Variants in LAMC3 observed in about 807,000 individuals in gnomAD.
LAMC3 encodes laminin subunit gamma 3.
Under a neutral mutation model 173.8 loss-of-function variants are expected in LAMC3, and 128 were observed. The ratio of observed to expected loss-of-function variants is 0.74; its 90% CI spans 0.64 to 0.85. LAMC3 has a LOEUF of 0.85. Among genes scored for constraint, LAMC3 ranks in the 40% least tolerant of loss-of-function variants. The pLI, the probability that LAMC3 is intolerant of heterozygous loss-of-function variation, is 0.00. For synonymous variants in LAMC3, 897 were observed against 909.1 expected (o/e 0.99, Z 0.24); for missense variants, 2,022 against 2,156.0 (o/e 0.94, Z 1.23).
Position 131,059,120 on chromosome 9 carries a change from T to C in LAMC3, c.2159-1915T>C, listed in dbSNP as rs559887483. Among the ~76,000 whole-genome samples, 6 of 150,782 alleles carry C rather than the reference T, an allele frequency of 4.0e-5. No homozygotes were observed. The East Asian group carries it at 9.9e-4, about 25-fold the overall frequency. Reference sequence around the variant, plus strand: ...CTGAGGCATGAGAATTGCTTCAACCTGGGAGATGGAGGTTGTAGTGAGCCG... The same window carrying C: ...CTGAGGCATGAGAATTGCTTCAACCCGGGAGATGGAGGTTGTAGTGAGCCG... On this transcript the variant is annotated intron_variant, in intron 12 of 27. Transcript: ENST00000361069.
At position 131,069,768 on chromosome 9, in the gene LAMC3, G is replaced by A. The variant is rs113785045; in HGVS notation, c.2987G>A (p.Arg996His). 2.5e-4 allele frequency: 397 copies of A among 1,595,748 alleles called. 2 individuals are homozygous for A. The highest frequency in any genetic ancestry group is 1.8e-3 in the African/African-American group (133 of 74,660). The part of the protein sequence containing the change: ...RPGFEGYKCD[R>H]CHDNFFLTAD... ...GGCTTCGAGGGCTACAAATGTGACC[G>A]CTGCCACGACAACTTCTTCCTCACG... Residue 996 changes from arginine (R) to histidine (H), a missense_variant, in exon 17 of 28, where the codon CGC becomes CAC. By Grantham distance (29) the Arg-to-His change is conservative (BLOSUM62 0). Transcript: ENST00000361069.
intron 2 of LAMC3, among the ~76,000 whole-genome samples, chr9:131,030,673 T>C (rs10793982): frequency 0.64 from 97,801 of 152,178 alleles, 32,197 homozygotes; most frequent in East Asian, 0.95. Flanking sequence ...ATACAATATG[T>C]GTCAGTAGCC....
In LAMC3 at chr9:131,039,262, G is replaced by A. The variant is rs766770347; in HGVS notation, c.1283+14G>A. On this transcript the variant is annotated intron_variant, in intron 6 of 27. Transcript: ENST00000361069. Reference sequence around the variant, plus strand: ...GGGAGGCTGCAGGTGAGGGCGAGGGGCGGCCCAGTATGGACACATTGCACT... The same window carrying A: ...GGGAGGCTGCAGGTGAGGGCGAGGGACGGCCCAGTATGGACACATTGCACT... The A allele has an allele frequency of 2.5e-6, 4 of 1,595,472 alleles. No homozygotes were observed. The Admixed American group carries it at 5.0e-5, about 20-fold the overall frequency.
At chr9:131,067,342 C>A in intron 14 of LAMC3, 137 bp downstream of exon 14, 1 of 1,058,150 alleles carries the variant, frequency 9.5e-7, no homozygotes, top group Non-Finnish European at 1.4e-6. Context: ...CAGCCTCAGG[C>A]AGGTCACTTC....
intron 24 of LAMC3, among the ~76,000 whole-genome samples, chr9:131,084,023 C>T (rs1452970295): frequency 8.1e-5 from 12 of 148,082 alleles, no homozygotes; most frequent in Admixed American, 5.4e-4. Flanking sequence ...TACAGGTGCC[C>T]GCCACCACAC....
At chr9:131,048,159 C>T (rs1253408675) in intron 8 of LAMC3, among the ~76,000 whole-genome samples, 2 of 142,332 alleles carry the variant, frequency 1.4e-5, no homozygotes, top group Admixed American at 7.5e-5. Context: ...CGGGTTCAGG[C>T]GATTCTCCTG....
intron 13 of LAMC3, among the ~76,000 whole-genome samples, chr9:131,063,908 T>C (rs1829877303): frequency 6.6e-6 from 1 of 152,170 alleles, no homozygotes; most frequent in Non-Finnish European, 1.5e-5. Context: ...CTTAGCACTA[T>C]TAACTTTTTT....
intron 2 of LAMC3, among the ~76,000 whole-genome samples, chr9:131,028,003 AC>A (rs138820215): frequency 0.014 from 2,138 of 152,180 alleles, 46 homozygotes; most frequent in African/African-American, 0.049. Context: ...CAGGTCCCCA[AC>A]CCCCGGCTGC....
intron 2 of LAMC3, among the ~76,000 whole-genome samples, chr9:131,029,000 A>G (rs1833779548): frequency 6.6e-6 from 1 of 152,162 alleles, no homozygotes; most frequent in Non-Finnish European, 1.5e-5. Flanking sequence ...GGCAGTGTAG[A>G]CACGGCTGAC....
At position 131,032,126 on chromosome 9, in the gene LAMC3, G is replaced by T; in HGVS notation, c.760G>T (p.Val254Leu). 6.2e-7 allele frequency: 1 copy of T among 1,614,054 alleles called. No individual in the cohort carries two copies. ...FGDDIFKDPK[V>L]LQSYYYAVSD... The stretch of plus-strand genomic sequence containing the variant: ...GGACGACATCTTCAAGGACCCCAAG[G>T]TGCTCCAGTCCTACTATTATGCCGT... Residue 254 changes from valine (V) to leucine (L), a missense_variant, in exon 3 of 28, where the codon GTG (valine) becomes TTG (leucine). By Grantham distance (32) the Val-to-Leu change is conservative (BLOSUM62 1). Transcript: ENST00000361069.
Position 131,091,724 on chromosome 9 carries a change from C to T in LAMC3, c.4665C>T (p.Ala1555=), listed in dbSNP as rs765600510. Residue 1555 remains alanine, a synonymous_variant, in exon 28 of 28, where the codon GCC becomes GCT. Coordinates refer to ENST00000361069, the MANE Select transcript of LAMC3 (RefSeq NM_006059.4). The part of the protein sequence containing the change: ...GFESDLAEIR[A]DKQNLEAILH... ...AGAGTGACCTCGCCGAGATCCGCGC[C>T]GACAAACAGAACCTGGAGGCCATTC... 2.0e-5 allele frequency: 33 copies of T among 1,613,010 alleles called. No individual in the cohort carries two copies. The Admixed American group carries it at 2.5e-4, about 12-fold the overall frequency.
At chr9:131,073,147 C>T (rs1035229454) in intron 19 of LAMC3, 98 bp from the exon 20 acceptor site, 27 of 938,012 alleles carry the variant, frequency 2.9e-5, no homozygotes, top group African/African-American at 2.1e-4. Flanking sequence ...TATAAAACGA[C>T]GGGTGCCATC....
Position 131,075,973 on chromosome 9 carries a change from C to G in LAMC3, c.3629+8C>G, listed in dbSNP as rs940359794. 2 of 1,603,112 alleles carry G rather than the reference C, an allele frequency of 1.2e-6. No homozygotes were observed. Among genetic ancestry groups the G allele is most frequent in the Non-Finnish European group, 1.7e-6 (2 of 1,173,992 alleles). ...GCGGGACCTGGAGGACAGGTGAGGC[C>G]TCCCCAGGTGTGGGTAGAAACTTTG... On this transcript the variant is annotated splice_region_variant and intron_variant, in intron 21 of 27. Transcript: ENST00000361069.
chr9:131,032,260 G>A lies in LAMC3; in HGVS notation c.809+85G>A. On this transcript the variant is annotated intron_variant, in intron 3 of 27. Coordinates refer to ENST00000361069, the MANE Select transcript of LAMC3 (RefSeq NM_006059.4). ...GGTGGCTGCTGTGGGGTGGGGGGTGGGGGGGCACAGAAGCCAGGTGTGCCC... is the reference window on the plus strand; with the variant it reads ...GGTGGCTGCTGTGGGGTGGGGGGTGAGGGGGCACAGAAGCCAGGTGTGCCC... 3 of 429,376 alleles carry A rather than the reference G, an allele frequency of 7.0e-6. 1 individual carries two copies. The Admixed American group carries it at 7.6e-5, about 11-fold the overall frequency. The allele number at this position is 429,376 out of a possible 1,614,324, so 26.6% of individuals were successfully genotyped here.
In LAMC3 at chr9:131,091,939, C is replaced by T. The variant is rs1210877801; in HGVS notation, c.*152C>T. ...TGTGGATAGTCACTCCCTGCCGATT[C>T]TGTCTGTGGCTTCTTCCCTGCCAGC... On this transcript the variant is annotated 3_prime_UTR_variant, in exon 28 of 28. Coordinates refer to ENST00000361069, the MANE Select transcript of LAMC3 (RefSeq NM_006059.4). 6.7e-6 allele frequency: 6 copies of T among 889,726 alleles called. No homozygotes were observed. Among genetic ancestry groups the T allele is most frequent in the Admixed American group, 2.3e-5 (1 of 43,464 alleles). The allele number at this position is 889,726 out of a possible 1,614,324, so 55.1% of individuals were successfully genotyped here. A position where few individuals can be genotyped will look rare whatever the true frequency, so the allele number is the denominator to read the frequency against.
rs761243831 is a variant in LAMC3 at position 131,091,654 on chromosome 9, T to G, written c.4595T>G (p.Leu1532Arg). 6.2e-7 allele frequency: 1 copy of G among 1,607,136 alleles called. No individual in the cohort carries two copies. The highest frequency in any genetic ancestry group is 8.5e-7 in the Non-Finnish European group (1 of 1,177,180). Residue 1532 changes from leucine (L) to arginine (R), a missense_variant, in exon 28 of 28, where the codon CTG becomes CGG. Transcript: ENST00000361069. ...PGSLQRKLSL[L>R]EQESQQQELQ... Reference sequence around the variant, plus strand: ...TCCTTGCAGAGGAAACTCAGTCTGCTGGAGCAGGAATCCCAGCAGCAGGAG... The same window carrying G: ...TCCTTGCAGAGGAAACTCAGTCTGCGGGAGCAGGAATCCCAGCAGCAGGAG...
At chr9:131,079,396 C>T in intron 23 of LAMC3, 98 bp downstream of exon 23, 2 of 1,449,010 alleles carry the variant, frequency 1.4e-6, no homozygotes, top group East Asian at 4.8e-5. Context: ...AGGGCAGAGA[C>T]AGAAGTAGCT....
chr9:131,027,784 G>C (rs143517209), intron 2 of LAMC3, among the ~76,000 whole-genome samples: 3 of 152,196 alleles, frequency 2.0e-5, no homozygotes, highest in African/African-American at 7.2e-5. Flanking sequence ...GGAGATACGC[G>C]CGCATGACAG....
intron 23 of LAMC3, among the ~76,000 whole-genome samples, 178 bp from the exon 24 acceptor site, chr9:131,081,881 G>A (rs192277243): frequency 2.8e-4 from 43 of 152,260 alleles, no homozygotes; most frequent in African/African-American, 3.4e-4. Flanking sequence ...GGAGACATTC[G>A]GAGTTCAACT....
Sources: allele counts gnomAD v4.1 joint callset (sites outside exome capture counted in the v4.1 genomes callset), GRCh38; gene constraint gnomAD v4.1.1; transcripts MANE v1.5; gene names NCBI Gene and HGNC (gene_info 2026-07-23, HGNC 2026-07-21).